The following KCNQ3 variants were observed in gnomAD, a reference collection of about 807,000 sequenced individuals.
KCNQ3 encodes potassium voltage-gated channel subfamily Q member 3.
A neutral mutation model predicts 92.5 loss-of-function variants in KCNQ3; 30 were observed. That is an observed-to-expected ratio of 0.32 (90% CI 0.24 to 0.44). KCNQ3 has a LOEUF of 0.44. Ranked by LOEUF, KCNQ3 falls within the 20% of genes least tolerant of loss-of-function variation. KCNQ3 has a pLI of 1.00. For missense variants in KCNQ3, 913 were observed against 1,140.3 expected, an observed-to-expected ratio of 0.80 and a Z score of 2.87; for synonymous variants, 450 against 468.8, an observed-to-expected ratio of 0.96 and a Z score of 0.52.
intron 1 of KCNQ3, among the ~76,000 whole-genome samples, chr8:132,294,912 T>G (rs920899495): frequency 6.6e-6 from 1 of 152,204 alleles, no homozygotes; most frequent in African/African-American, 2.4e-5. Flanking sequence ...GATTAAAGTC[T>G]TAAGTGTAAA....
intron 1 of KCNQ3, among the ~76,000 whole-genome samples, chr8:132,259,121 A>G (rs1241490285): frequency 2.0e-5 from 3 of 152,048 alleles, no homozygotes; most frequent in Non-Finnish European, 4.4e-5. Context: ...TATTCTCCAC[A>G]CCAGGAAAAA....
At chr8:132,233,445 T>A (rs1814704726) in intron 1 of KCNQ3, among the ~76,000 whole-genome samples, 3 of 152,224 alleles carry the variant, frequency 2.0e-5, no homozygotes, top group Admixed American at 1.3e-4. Flanking sequence ...CACCTTAACC[T>A]TGATATTCCA....
intron 9 of KCNQ3, among the ~76,000 whole-genome samples, chr8:132,148,394 C>A (rs1825528146): frequency 6.6e-6 from 1 of 152,142 alleles, no homozygotes; most frequent in African/African-American, 2.4e-5. Flanking sequence ...CACCACTACA[C>A]CCAGCTAATT....
In KCNQ3 at chr8:132,152,402, G is replaced by A. The variant is rs186546242; in HGVS notation, c.1262+11066C>T. On this transcript the variant is annotated intron_variant, in intron 9 of 14. Transcript: ENST00000388996. Reference sequence around the variant, plus strand: ...AAGGTATACTCTGTGAACAAAATTTGGAGCATGTTTCTTTCTGTCTGCCTG... The same window carrying A: ...AAGGTATACTCTGTGAACAAAATTTAGAGCATGTTTCTTTCTGTCTGCCTG... Among the ~76,000 whole-genome samples, 202 of 152,240 alleles carry A rather than the reference G, an allele frequency of 1.3e-3. 1 individual carries two copies. The highest frequency in any genetic ancestry group is 4.7e-3 in the African/African-American group (196 of 41,538).
intron 1 of KCNQ3, among the ~76,000 whole-genome samples, chr8:132,263,120 G>A (rs997100905): frequency 9.2e-5 from 14 of 151,920 alleles, no homozygotes; most frequent in Admixed American, 4.6e-4. Flanking sequence ...TTAAGCTGGC[G>A]TCACACACTC....
intron 12 of KCNQ3, among the ~76,000 whole-genome samples, chr8:132,137,535 A>G (rs558855792): frequency 6.6e-6 from 1 of 152,220 alleles, no homozygotes. Context: ...TATGGTAAAG[A>G]ATTGTATTGA....
rs376876999 is a variant in KCNQ3, at chr8:132,402,443, C to T, written c.386+77704G>A. ...CAGCACATTTTAATTCAGAATAGCA[C>T]TAAAAACTGTTATTATGGGTAAGGT... On this transcript the variant is annotated intron_variant, in intron 1 of 14. Transcript: ENST00000388996. Among the ~76,000 whole-genome samples the T allele has an allele frequency of 2.0e-4, 30 of 152,276 alleles. No homozygotes were observed. In the East Asian group the frequency reaches 4.8e-3, roughly 25 times the overall value.
intron 1 of KCNQ3, among the ~76,000 whole-genome samples, chr8:132,279,246 C>T (rs1054202600): frequency 2.6e-5 from 4 of 152,168 alleles, no homozygotes; most frequent in African/African-American, 9.7e-5. Flanking sequence ...TAGATCCTAA[C>T]CGCCAGTGAT....
At chr8:132,364,808 A>C (rs1479835550) in intron 1 of KCNQ3, among the ~76,000 whole-genome samples, 1 of 152,144 alleles carries the variant, frequency 6.6e-6, no homozygotes, top group African/African-American at 2.4e-5. Flanking sequence ...ACTATTACTT[A>C]TACTACTAAT....
intron 4 of KCNQ3, among the ~76,000 whole-genome samples, chr8:132,177,621 C>T (rs1826608709): frequency 6.6e-6 from 1 of 152,142 alleles, no homozygotes; most frequent in Admixed American, 6.5e-5. Context: ...GGTGGGAGCT[C>T]TAGGGCTCAT....
intron 1 of KCNQ3, among the ~76,000 whole-genome samples, chr8:132,408,107 T>C (rs1212253882): frequency 6.7e-6 from 1 of 148,276 alleles, no homozygotes; most frequent in Non-Finnish European, 1.5e-5. Context: ...ATGCTACGTA[T>C]CCAATGACTG....
chr8:132,278,315 G>A (rs1250010504), intron 1 of KCNQ3: 1 of 516,994 alleles, frequency 1.9e-6, no homozygotes, highest in Non-Finnish European at 2.5e-6. Context: ...GAAAAAAAAA[G>A]AAGAAAAATG....
chr8:132,174,184 G>T, intron 6 of KCNQ3, 55 bp downstream of exon 6: 1 of 1,252,324 alleles, frequency 8.0e-7, no homozygotes, highest in Non-Finnish European at 1.1e-6. Flanking sequence ...CTGGCACCAG[G>T]CGGTAAGGGG....
At chr8:132,189,910 AG>A (rs1372359761) in intron 1 of KCNQ3, among the ~76,000 whole-genome samples, 34 of 137,522 alleles carry the variant, frequency 2.5e-4, no homozygotes, top group African/African-American at 8.8e-4. Flanking sequence ...AAAAAAAAAG[AG>A]AGAGAGAGAG....
intron 14 of KCNQ3, among the ~76,000 whole-genome samples, chr8:132,131,033 A>G (rs1181696170): frequency 2.0e-5 from 3 of 152,168 alleles, no homozygotes; most frequent in South Asian, 4.1e-4. Context: ...AAAAGTTACA[A>G]TCTGACTCTG....
At chr8:132,130,366 C>T (rs903364990) in intron 14 of KCNQ3, among the ~76,000 whole-genome samples, 1 of 152,138 alleles carries the variant, frequency 6.6e-6, no homozygotes, top group East Asian at 1.9e-4. Context: ...CATGAACCAC[C>T]GCGCCTGACC....
At chr8:132,158,429 T>C (rs1182973957) in intron 9 of KCNQ3, among the ~76,000 whole-genome samples, 1 of 152,162 alleles carries the variant, frequency 6.6e-6, no homozygotes, top group African/African-American at 2.4e-5. Context: ...ACACCACAGA[T>C]GACCCTGGCT....
At chr8:132,416,007 G>C (rs1159518979) in intron 1 of KCNQ3, among the ~76,000 whole-genome samples, 1 of 152,150 alleles carries the variant, frequency 6.6e-6, no homozygotes, top group Non-Finnish European at 1.5e-5. Context: ...GGTTCAGGGA[G>C]GTCATATGAC....
intron 1 of KCNQ3, among the ~76,000 whole-genome samples, chr8:132,472,632 A>T (rs1822321868): frequency 6.6e-6 from 1 of 152,156 alleles, no homozygotes; most frequent in African/African-American, 2.4e-5. Flanking sequence ...GTAGGGGTAT[A>T]AAGAGAGGTT....
Sources: allele counts gnomAD v4.1 joint callset (sites outside exome capture counted in the v4.1 genomes callset), GRCh38; gene constraint gnomAD v4.1.1; transcripts MANE v1.5; gene names NCBI Gene and HGNC (gene_info 2026-07-23, HGNC 2026-07-21).